MTURN: variants seen among roughly 807,000 people sequenced by gnomAD.
MTURN encodes maturin.
MTURN carries 7 observed loss-of-function variants against 14.9 expected under a neutral mutation model. The observed-to-expected ratio is 0.47, with a 90% CI of 0.27 to 0.88. The LOEUF (loss-of-function observed/expected upper bound fraction) is 0.88. MTURN is among the 40% of genes least tolerant of loss of function. MTURN has a pLI of 0.14. For synonymous variants in MTURN, 69 were observed against 72.5 expected (o/e 0.95, Z 0.25); for missense variants, 151 against 174.1 (o/e 0.87, Z 0.75).
chr7:30,154,267 T>C (rs1797252611), intron 2 of MTURN, among the ~76,000 whole-genome samples: 1 of 152,074 alleles, frequency 6.6e-6, no homozygotes, highest in Non-Finnish European at 1.5e-5. Context: ...GTGCAGTGTA[T>C]ATAGGATTTT....
chr7:30,145,197 C>T (rs927755422), intron 1 of MTURN, among the ~76,000 whole-genome samples: 1 of 152,090 alleles, frequency 6.6e-6, no homozygotes, highest in African/African-American at 2.4e-5. Context: ...TGGAAAAAAG[C>T]CTTACCCAGT....
At chr7:30,152,584 A>G (rs1030644388) in intron 2 of MTURN, among the ~76,000 whole-genome samples, 2 of 152,182 alleles carry the variant, frequency 1.3e-5, no homozygotes, top group African/African-American at 4.8e-5. Context: ...AGTCCCTGGA[A>G]GGTACATACA....
In MTURN at chr7:30,157,596, G is replaced by A. The variant is rs1364141282; in HGVS notation, c.*48G>A. 4 of 1,440,332 alleles carry A rather than the reference G, an allele frequency of 2.8e-6. No homozygotes were observed. Among genetic ancestry groups the A allele is most frequent in the Non-Finnish European group, 3.8e-6 (4 of 1,065,848 alleles). The allele number at this position is 1,440,332 out of a possible 1,614,324, so 89.2% of individuals were successfully genotyped here. ...GAGAGTGAGCCCCACAGTAACCTAG[G>A]TGGGGTCACTGCCCCTCCTGGGTTA... On this transcript the variant is annotated 3_prime_UTR_variant, in exon 3 of 3. Transcript: ENST00000324453.
chr7:30,157,368 C>A, intron 2 of MTURN, 70 bp from the exon 3 acceptor site: 5 of 1,360,606 alleles, frequency 3.7e-6, no homozygotes, highest in Non-Finnish European at 5.0e-6. Flanking sequence ...GATCCGATGC[C>A]TTTGGTTGTC....
At position 30,135,176 on chromosome 7, in the gene MTURN, T is replaced by C; in HGVS notation, c.40T>C (p.Cys14Arg). The C allele has an allele frequency of 6.7e-7, 1 of 1,485,926 alleles. No homozygotes were observed. Among genetic ancestry groups the C allele is most frequent in the Non-Finnish European group, 9.0e-7 (1 of 1,113,982 alleles). The allele number at this position is 1,485,926 out of a possible 1,614,324, so 92.0% of individuals were successfully genotyped here. A position where few individuals can be genotyped will look rare whatever the true frequency, so the allele number is the denominator to read the frequency against. The part of the protein sequence containing the change: ...QQLADVAEKW[C>R]SNTPFELIAT... ...GCTGGCCGACGTTGCGGAGAAATGGTGCTCCAACACGCCCTTCGAGCTCAT... is the reference window on the plus strand; with the variant it reads ...GCTGGCCGACGTTGCGGAGAAATGGCGCTCCAACACGCCCTTCGAGCTCAT... Residue 14 changes from cysteine to arginine, a missense_variant, in exon 1 of 3, where the codon TGC (cysteine) becomes CGC (arginine). Physicochemically the swap from Cys to Arg is radical, Grantham distance 180. Coordinates refer to ENST00000324453, the MANE Select transcript of MTURN (RefSeq NM_152793.3).
intron 1 of MTURN, among the ~76,000 whole-genome samples, chr7:30,138,646 G>A (rs1797003055): frequency 6.6e-6 from 1 of 151,942 alleles, no homozygotes; most frequent in Non-Finnish European, 1.5e-5. Flanking sequence ...TGGGGAGACT[G>A]ACTCTAAGCC....
rs1162643524 is a variant in MTURN, at chr7:30,135,051, G to C, written c.-86G>C. On this transcript the variant is annotated 5_prime_UTR_variant, in exon 1 of 3. Transcript: ENST00000324453. ...GGCCCCGGAGGAGCCCGCGCAGGCC[G>C]AGCCGAGCGCCGCGCTGCCCGCCCG... The C allele has an allele frequency of 8.8e-7, 1 of 1,130,252 alleles. No individual in the cohort carries two copies. The highest frequency in any genetic ancestry group is 1.7e-5 in the African/African-American group (1 of 59,330). 70.0% of individuals were successfully genotyped at this position (1,130,252 alleles called of 1,614,324 possible).
rs1390016148 is a variant in MTURN, at chr7:30,162,435, T to G, written c.*4887T>G. 6.6e-6 allele frequency: 1 copy of G among 152,070 alleles called. No homozygotes were observed. 9.4% of individuals were successfully genotyped at this position (152,070 alleles called of 1,614,324 possible). On this transcript the variant is annotated 3_prime_UTR_variant, in exon 3 of 3. Transcript: ENST00000324453. Reference sequence around the variant, plus strand: ...ATTTGAGCATGAGAGCAAAATTTAGTCATCTACACAAGAAGCAAAAGCAAG... The same window carrying G: ...ATTTGAGCATGAGAGCAAAATTTAGGCATCTACACAAGAAGCAAAAGCAAG...
At chr7:30,140,415 G>GTGTGTGTGTATATATATATATA (rs33952294) in intron 1 of MTURN, among the ~76,000 whole-genome samples, 8 of 143,812 alleles carry the variant, frequency 5.6e-5, no homozygotes, top group East Asian at 4.2e-4. Flanking sequence ...GTGTGTGTGT[G>GTGTGTGTGTATATATATATATA]TATCCCCATT....
chr7:30,135,066 C>T lies in MTURN; in HGVS notation c.-71C>T. On this transcript the variant is annotated 5_prime_UTR_variant, in exon 1 of 3. Transcript: ENST00000324453. ...CGCGCAGGCCGAGCCGAGCGCCGCG[C>T]TGCCCGCCCGGGAGGAGGGCGCCTA... 8.2e-7 allele frequency: 1 copy of T among 1,214,970 alleles called. No homozygotes were observed. Among genetic ancestry groups the T allele is most frequent in the Non-Finnish European group, 1.0e-6 (1 of 966,280 alleles). 75.3% of individuals were successfully genotyped at this position (1,214,970 alleles called of 1,614,324 possible). A position where few individuals can be genotyped will look rare whatever the true frequency, so the allele number is the denominator to read the frequency against.
At chr7:30,151,369 T>C (rs996721481) in intron 2 of MTURN, among the ~76,000 whole-genome samples, 1 of 152,178 alleles carries the variant, frequency 6.6e-6, no homozygotes, top group Non-Finnish European at 1.5e-5. Flanking sequence ...TGACCCTCCA[T>C]TGACAGTTGC....
At position 30,161,009 on chromosome 7, in the gene MTURN, T is replaced by C. The variant is rs1214173457; in HGVS notation, c.*3461T>C. On this transcript the variant is annotated 3_prime_UTR_variant, in exon 3 of 3. Transcript: ENST00000324453. ...TCTCTCCTTTATAGTTGCTGTCATC[T>C]TTCATGTATAAACAGAAACCGTCTC... 6.5e-6 allele frequency: 1 copy of C among 152,686 alleles called. No individual in the cohort carries two copies. The highest frequency in any genetic ancestry group is 1.5e-5 in the Non-Finnish European group (1 of 68,038). The allele number at this position is 152,686 out of a possible 1,614,324, so 9.5% of individuals were successfully genotyped here.
At chr7:30,157,104 G>A (rs2128034389) in intron 2 of MTURN, among the ~76,000 whole-genome samples, 1 of 152,298 alleles carries the variant, frequency 6.6e-6, no homozygotes, top group East Asian at 1.9e-4. Flanking sequence ...GTGGGACAGT[G>A]AGCACAGTTC....
In MTURN at chr7:30,159,952, T is replaced by G. The variant is rs1006591607; in HGVS notation, c.*2404T>G. ...AACACATCCCTGACCCTTCACAGAC[T>G]TACACATTTACTCACCAGGAGGTGG... On this transcript the variant is annotated 3_prime_UTR_variant, in exon 3 of 3. Transcript: ENST00000324453. The G allele has an allele frequency of 2.6e-5, 4 of 152,332 alleles. No individual in the cohort carries two copies. The highest frequency in any genetic ancestry group is 7.2e-5 in the African/African-American group (3 of 41,454). The allele number at this position is 152,332 out of a possible 1,614,324, so 9.4% of individuals were successfully genotyped here. A position where few individuals can be genotyped will look rare whatever the true frequency, so the allele number is the denominator to read the frequency against.
At chr7:30,143,094 G>A (rs1414399182) in intron 1 of MTURN, among the ~76,000 whole-genome samples, 2 of 152,020 alleles carry the variant, frequency 1.3e-5, no homozygotes, top group Non-Finnish European at 1.5e-5. Context: ...ACTCCGCTTG[G>A]TTTTGGAATG....
In MTURN at chr7:30,145,853, C is replaced by A. The variant is rs746302782; in HGVS notation, c.163-324C>A. The A allele has an allele frequency of 4.5e-6, 7 of 1,548,880 alleles. No homozygotes were observed. In the South Asian group the frequency reaches 8.4e-5, roughly 19 times the overall value. ...TCTCCTTCCCCATGTCTGAAAACCG[C>A]CCTTAGCCTGCACAAGGTGAACAGT... On this transcript the variant is annotated intron_variant, in intron 1 of 2. Coordinates refer to ENST00000324453, the MANE Select transcript of MTURN (RefSeq NM_152793.3).
chr7:30,147,652 T>C (rs375020948), intron 2 of MTURN, among the ~76,000 whole-genome samples: 1 of 152,218 alleles, frequency 6.6e-6, no homozygotes, highest in East Asian at 1.9e-4. Context: ...CTGGTTAATA[T>C]TTTATATTTA....
intron 2 of MTURN, among the ~76,000 whole-genome samples, chr7:30,156,618 A>C (rs1242762330): frequency 6.6e-6 from 1 of 152,198 alleles, no homozygotes; most frequent in Admixed American, 6.5e-5. Context: ...CAAGGTCAGA[A>C]GATCGAGACC....
intron 2 of MTURN, 55 bp downstream of exon 2, chr7:30,146,354 A>G (rs1410654176): frequency 2.5e-6 from 4 of 1,604,346 alleles, no homozygotes; most frequent in East Asian, 2.2e-5. Flanking sequence ...GATTGTGTTT[A>G]GAATAACAGG....
Sources: gnomAD v4.1 joint callset for allele counts (sites outside exome capture counted in the v4.1 genomes callset) on GRCh38, gnomAD v4.1.1 for gene constraint, MANE v1.5 for transcripts, NCBI Gene and HGNC (gene_info 2026-07-23, HGNC 2026-07-21) for gene names.